Variants in PCDHGA5 observed in about 807,000 individuals in gnomAD.
PCDHGA5 encodes the protein protocadherin gamma-A5.
A neutral mutation model predicts 56.7 loss-of-function variants in PCDHGA5; 36 were observed. The observed-to-expected ratio is 0.64, with a 90% CI of 0.49 to 0.84. The LOEUF is 0.84. Among genes scored for constraint, PCDHGA5 ranks in the 40% least tolerant of loss-of-function variants. The pLI is 0.00. For missense variants in PCDHGA5, 1,305 were observed against 1,201.5 expected (o/e 1.09, Z -1.27); for synonymous variants, 563 against 520.2 (o/e 1.08, Z -1.12).
chr5:141,383,004 G>A, intron 1 of PCDHGA5: 1 of 1,613,698 alleles, frequency 6.2e-7, no homozygotes, highest in Non-Finnish European at 8.5e-7. Flanking sequence ...TCTACTCCGT[G>A]TCGGAGGAGA....
chr5:141,487,377 C>G lies in PCDHGA5; in HGVS notation c.2422-7430C>G, dbSNP rs758216933. On this transcript the variant is annotated intron_variant, in intron 1 of 3. Coordinates refer to ENST00000518069, the MANE Select transcript of PCDHGA5 (RefSeq NM_018918.3). This position sits in a 1 kb window ranked among gnomAD's most constrained non-coding sequence, Gnocchi z 5.0. ...CCTGCTGGCACCTGTGCCTGTCTCA[C>G]CAGATCTCGAAGGAGGGAGGGGCTT... 6.2e-7 allele frequency: 1 copy of G among 1,614,190 alleles called. No individual in the cohort carries two copies. The highest frequency in any genetic ancestry group is 1.1e-5 in the South Asian group (1 of 91,086).
intron 1 of PCDHGA5, chr5:141,389,400 AGCGC>A (rs2150385005): frequency 1.2e-6 from 2 of 1,613,622 alleles, no homozygotes; most frequent in African/African-American, 2.7e-5. Flanking sequence ...CGTGTCCATA[AGCGC>A]GGAGAGCGGG....
At chr5:141,371,373 C>T in intron 1 of PCDHGA5, 1 of 1,613,972 alleles carries the variant, frequency 6.2e-7, no homozygotes, top group Non-Finnish European at 8.5e-7. Context: ...TGGTGGACAT[C>T]ACACTGCATA....
rs766779419 is a variant in PCDHGA5, at chr5:141,389,386, C to G, written c.2421+22635C>G. On this transcript the variant is annotated intron_variant, in intron 1 of 3. Transcript: ENST00000518069. ...GACCTGGAGCAGCGGGAGCTGTCAT[C>G]CTACGTGTCCATAAGCGCGGAGAGC... The G allele has an allele frequency of 1.1e-5, 17 of 1,613,620 alleles. No homozygotes were observed. The highest frequency in any genetic ancestry group is 6.7e-5 in the African/African-American group (5 of 74,960).
chr5:141,476,455 G>C lies in PCDHGA5; in HGVS notation c.2422-18352G>C, dbSNP rs572682842. On this transcript the variant is annotated intron_variant, in intron 1 of 3. Transcript: ENST00000518069. The surrounding 1 kb of genome is among the most constrained non-coding windows in gnomAD (Gnocchi z 7.6). ...CTGTAACTCTGGAGTTGGTAGTGGA[G>C]AACCCGCTGGAGCTGTTCAGCGTGG... 22 of 1,614,152 alleles carry C rather than the reference G, an allele frequency of 1.4e-5. No homozygotes were observed. In the South Asian group the frequency reaches 2.4e-4, roughly 18 times the overall value.
At chr5:141,439,202 A>AG (rs1348445707) in intron 1 of PCDHGA5, among the ~76,000 whole-genome samples, 2 of 151,954 alleles carry the variant, frequency 1.3e-5, no homozygotes, top group African/African-American at 4.8e-5. Context: ...AAAAAAAAAA[A>AG]AAATCCATAT....
In PCDHGA5 at chr5:141,399,285, C is replaced by T. The variant is rs751998465; in HGVS notation, c.2421+32534C>T. 3 of 1,613,720 alleles carry T rather than the reference C, an allele frequency of 1.9e-6. No homozygotes were observed. In the African/African-American group the frequency reaches 4.0e-5, roughly 22 times the overall value. ...TTAATTGTCAATTACAAGGCGAAGTCCCTTTTAAGATTATCTCTTCATCCA... is the reference window on the plus strand; with the variant it reads ...TTAATTGTCAATTACAAGGCGAAGTTCCTTTTAAGATTATCTCTTCATCCA... On this transcript the variant is annotated intron_variant, in intron 1 of 3. Coordinates refer to ENST00000518069, the MANE Select transcript of PCDHGA5 (RefSeq NM_018918.3).
At chr5:141,409,729 G>A (rs781234442) in intron 1 of PCDHGA5, 161 of 1,612,966 alleles carry the variant, frequency 1.0e-4, no homozygotes, top group Non-Finnish European at 1.7e-6. Context: ...CAGTGAGCGC[G>A]CAGAGCGGGG....
rs768206517 is a variant in PCDHGA5 at position 141,432,482 on chromosome 5, G to C, written c.2422-62325G>C. 6.2e-7 allele frequency: 1 copy of C among 1,614,178 alleles called. No individual in the cohort carries two copies. Among genetic ancestry groups the C allele is most frequent in the South Asian group, 1.1e-5 (1 of 91,074 alleles). ...CCTCCCCACGGACGGTTCCACTGGC[G>C]TGGAGCTGGCTCCCCGCTCCGCAGA... On this transcript the variant is annotated intron_variant, in intron 1 of 3. Coordinates refer to ENST00000518069, the MANE Select transcript of PCDHGA5 (RefSeq NM_018918.3). The surrounding 1 kb of genome is among the most constrained non-coding windows in gnomAD (Gnocchi z 6.0).
chr5:141,486,399 C>G lies in PCDHGA5; in HGVS notation c.2422-8408C>G. On this transcript the variant is annotated intron_variant, in intron 1 of 3. Transcript: ENST00000518069. The surrounding 1 kb of genome is among the most constrained non-coding windows in gnomAD (Gnocchi z 5.0). ...TTCAGGAACCAGTTCTCCCTGGTGA[C>G]TGCTGGACCCTTGGATCGAGAGGCC... The G allele has an allele frequency of 6.2e-7, 1 of 1,614,188 alleles. No individual in the cohort carries two copies. The highest frequency in any genetic ancestry group is 1.1e-5 in the South Asian group (1 of 91,090).
At chr5:141,414,274 G>A (rs762803658) in intron 1 of PCDHGA5, 23 of 1,613,368 alleles carry the variant, frequency 1.4e-5, no homozygotes, top group Non-Finnish European at 1.9e-5. Flanking sequence ...TTCACCTCTG[G>A]GAACAGTCGT....
intron 1 of PCDHGA5, chr5:141,414,940 G>C: frequency 7.4e-6 from 12 of 1,614,104 alleles, no homozygotes; most frequent in Non-Finnish European, 9.3e-6. Context: ...CGCAGAGCCC[G>C]GCTACCTGGT....
At chr5:141,492,506 C>T (rs2154587372) in intron 1 of PCDHGA5, among the ~76,000 whole-genome samples, 2 of 152,318 alleles carry the variant, frequency 1.3e-5, no homozygotes, top group South Asian at 4.1e-4. Context: ...ACTCCGGAGC[C>T]TCCTCTCACC....
intron 1 of PCDHGA5, chr5:141,384,060 A>G (rs1453253478): frequency 6.2e-7 from 1 of 1,609,266 alleles, no homozygotes; most frequent in Non-Finnish European, 8.5e-7. Context: ...GCACCATTCC[A>G]GAAAACCTAC....
At chr5:141,422,289 T>G in intron 1 of PCDHGA5, 1 of 1,553,678 alleles carries the variant, frequency 6.4e-7, no homozygotes, top group African/African-American at 1.4e-5. Context: ...CCTCTTCTAT[T>G]AATTCAATTC....
intron 1 of PCDHGA5, among the ~76,000 whole-genome samples, chr5:141,454,266 C>T (rs2098785508): frequency 1.3e-5 from 2 of 152,132 alleles, no homozygotes; most frequent in African/African-American, 4.8e-5. Flanking sequence ...AAAGTAATGC[C>T]AGCAAAAACT....
intron 1 of PCDHGA5, chr5:141,389,160 G>T (rs759399243): frequency 1.2e-6 from 2 of 1,613,996 alleles, no homozygotes; most frequent in Admixed American, 3.3e-5. Flanking sequence ...AACAGATCGG[G>T]GCAAGCCTCC....
intron 1 of PCDHGA5, among the ~76,000 whole-genome samples, chr5:141,455,967 A>T (rs965245893): frequency 2.7e-5 from 4 of 150,838 alleles, no homozygotes; most frequent in Non-Finnish European, 4.4e-5. Flanking sequence ...GCGCGATCTC[A>T]GCTCACTGCA....
In PCDHGA5 at chr5:141,365,348, G is replaced by A. The variant is rs770428432; in HGVS notation, c.1018G>A (p.Val340Met). ...SAKVVVTVQD[V>M]NDNAPEVILT... ...TAAGGTGGTGGTCACAGTACAGGAC[G>A]TGAATGACAATGCCCCCGAAGTGAT... Residue 340 changes from valine to methionine, a missense_variant, in exon 1 of 4, where the codon GTG (valine) becomes ATG (methionine). Transcript: ENST00000518069. 4 of 1,613,954 alleles carry A rather than the reference G, an allele frequency of 2.5e-6. No homozygotes were observed. Among genetic ancestry groups the A allele is most frequent in the African/African-American group, 1.3e-5 (1 of 75,034 alleles).
Sources: gnomAD v4.1 joint callset for allele counts (sites outside exome capture counted in the v4.1 genomes callset) on GRCh38, gnomAD v4.1.1 for gene constraint, Gnocchi (gnomAD v3.1) non-coding constraint, MANE v1.5 for transcripts, NCBI Gene and HGNC (gene_info 2026-07-23, HGNC 2026-07-21) for gene names.